Variants in HECW2 observed in about 807,000 individuals in gnomAD.
HECW2 encodes the protein HECT, C2 and WW domain containing E3 ubiquitin protein ligase 2.
In HECW2, 61 loss-of-function variants were observed where a neutral mutation model predicts 175.2. The ratio of observed to expected loss-of-function variants is 0.35; its 90% CI spans 0.28 to 0.43. The LOEUF (loss-of-function observed/expected upper bound fraction) is 0.43, where lower values mean the gene tolerates loss of function less well. Ranked by LOEUF, HECW2 falls within the 20% of genes least tolerant of loss-of-function variation. The pLI, the probability that HECW2 is intolerant of heterozygous loss-of-function variation, is 1.00. For synonymous variants in HECW2, 671 were observed against 731.0 expected (o/e 0.92, Z 1.32); for missense variants, 1,524 against 2,000.5 (o/e 0.76, Z 4.54).
chr2:196,440,919 A>C (rs1013278955), intron 1 of HECW2, among the ~76,000 whole-genome samples: 2 of 152,034 alleles, frequency 1.3e-5, no homozygotes, highest in Non-Finnish European at 2.9e-5. Flanking sequence ...ATTAAAAAAA[A>C]CCCTCCTTCT....
chr2:196,547,528 C>T (rs983692665), intron 1 of HECW2, among the ~76,000 whole-genome samples: 4 of 152,184 alleles, frequency 2.6e-5, no homozygotes, highest in Non-Finnish European at 5.9e-5. Context: ...GATTTGCTTT[C>T]ATGTCTGAGG....
intron 1 of HECW2, among the ~76,000 whole-genome samples, chr2:196,507,158 CACACACTAT>C (rs1203150896): frequency 0.011 from 1,330 of 123,702 alleles, 8 homozygotes; most frequent in South Asian, 0.031. Context: ...GTATATTATA[CACACACTAT>C]GTGTATATTA....
chr2:196,541,084 A>G (rs1312572148), intron 1 of HECW2, among the ~76,000 whole-genome samples: 1 of 152,004 alleles, frequency 6.6e-6, no homozygotes, highest in Admixed American at 6.6e-5. Context: ...CAAATAGCCA[A>G]TGCTCTACAT....
At chr2:196,353,154 T>C (rs1693231712) in intron 2 of HECW2, among the ~76,000 whole-genome samples, 1 of 152,124 alleles carries the variant, frequency 6.6e-6, no homozygotes. Context: ...TCCCCAAAGG[T>C]GTGGTCAGGA....
At chr2:196,218,708 T>A (rs375285062) in intron 26 of HECW2, among the ~76,000 whole-genome samples, 9 of 151,808 alleles carry the variant, frequency 5.9e-5, no homozygotes, top group East Asian at 1.9e-4. Context: ...AAAAAAAAAA[T>A]TCATCTCCTG....
At chr2:196,400,643 A>T (rs1254303162) in intron 2 of HECW2, among the ~76,000 whole-genome samples, 1 of 152,174 alleles carries the variant, frequency 6.6e-6, no homozygotes, top group African/African-American at 2.4e-5. Flanking sequence ...ACTGAATCCC[A>T]GTCACAGCTG....
At chr2:196,362,213 C>G in intron 2 of HECW2, 1 of 985,282 alleles carries the variant, frequency 1.0e-6, no homozygotes, top group Non-Finnish European at 1.2e-6. Flanking sequence ...CTGAGGCAGT[C>G]GTGGCCACAC....
intron 1 of HECW2, among the ~76,000 whole-genome samples, chr2:196,591,594 C>T (rs570424664): frequency 1.3e-5 from 2 of 152,316 alleles, no homozygotes; most frequent in South Asian, 4.1e-4. Flanking sequence ...AGTAACGTTA[C>T]AGTGTCTCCT....
At chr2:196,211,994 G>A (rs369904145) in intron 28 of HECW2, among the ~76,000 whole-genome samples, 2 of 151,982 alleles carry the variant, frequency 1.3e-5, no homozygotes, top group Admixed American at 6.6e-5. Context: ...ATGCCACCAC[G>A]CCCAGGTAAT....
chr2:196,310,014 T>C (rs2105722342), intron 10 of HECW2, among the ~76,000 whole-genome samples: 1 of 152,336 alleles, frequency 6.6e-6, no homozygotes, highest in South Asian at 2.1e-4. Flanking sequence ...TATGGCTTGC[T>C]TGAGGTCTAT....
chr2:196,569,420 A>C (rs10931747), intron 1 of HECW2, among the ~76,000 whole-genome samples: 1 of 152,208 alleles, frequency 6.6e-6, no homozygotes, highest in Non-Finnish European at 1.5e-5. Context: ...ACTTCTCCTT[A>C]ATAAATAAAT....
rs576758183 is a variant in HECW2, at chr2:196,571,318, GAATA to G, written c.-36+22186_-36+22189del. Among the ~76,000 whole-genome samples, 8 of 152,234 alleles carry G rather than the reference GAATA, an allele frequency of 5.3e-5. No individual in the cohort carries two copies. In the East Asian group the frequency reaches 1.5e-3, roughly 29 times the overall value. ...AAGTGAGGTAATGTCTAATGTTTGG[GAATA>G]AACAGCAAACAATACTTAGTTGTGT... On this transcript the variant is annotated intron_variant, in intron 1 of 28. Transcript: ENST00000644978.
In HECW2 at chr2:196,319,584, A is replaced by C; in HGVS notation, c.1306T>G (p.Cys436Gly). 6.2e-7 allele frequency: 1 copy of C among 1,614,226 alleles called. No individual in the cohort carries two copies. The highest frequency in any genetic ancestry group is 8.5e-7 in the Non-Finnish European group (1 of 1,180,034). The change falls in exon 9 of 29, where the codon TGC (cysteine) becomes GGC (glycine). Residue 436 changes from cysteine (C) to glycine (G), a missense_variant. Physicochemically the swap from Cys to Gly is radical, Grantham distance 159. This residue lies in a region of HECW2 where 604 missense variants were observed against 588.3 expected (regional missense o/e 1.03). Transcript: ENST00000644978. Reference sequence around the variant, plus strand: ...GAGGCACCCATGGACCTCTCAGAGCAGGTCGCTGTCCCCGGCCTGGAGTGG... The same window carrying C: ...GAGGCACCCATGGACCTCTCAGAGCCGGTCGCTGTCCCCGGCCTGGAGTGG... ...NGHSRPGTATCSERSMGASPK... is the reference protein window; with the variant it reads ...NGHSRPGTATGSERSMGASPK...
chr2:196,567,388 G>A (rs1443894588), intron 1 of HECW2, among the ~76,000 whole-genome samples: 2 of 152,320 alleles, frequency 1.3e-5, no homozygotes, highest in Non-Finnish European at 2.9e-5. Flanking sequence ...AGAAACTGGT[G>A]CCAGAAGTGG....
At chr2:196,436,458 C>T (rs936128679) in intron 1 of HECW2, among the ~76,000 whole-genome samples, 6 of 150,624 alleles carry the variant, frequency 4.0e-5, no homozygotes, top group Non-Finnish European at 7.4e-5. Context: ...GTGGGTTCAT[C>T]GTTCATGCAA....
intron 1 of HECW2, among the ~76,000 whole-genome samples, chr2:196,482,848 T>C (rs1031321158): frequency 2.6e-5 from 4 of 152,190 alleles, no homozygotes; most frequent in African/African-American, 9.7e-5. Context: ...CTGAGTGGGA[T>C]GCCCTATGTG....
At chr2:196,565,998 A>G (rs1443233695) in intron 1 of HECW2, among the ~76,000 whole-genome samples, 1 of 152,096 alleles carries the variant, frequency 6.6e-6, no homozygotes, top group African/African-American at 2.4e-5. Context: ...CCCTCAGCCA[A>G]TTACCAGGAA....
intron 2 of HECW2, among the ~76,000 whole-genome samples, chr2:196,412,246 G>A (rs1695134033): frequency 6.6e-6 from 1 of 152,178 alleles, no homozygotes; most frequent in Admixed American, 6.5e-5. Context: ...TTTGCGACCA[G>A]TGTAGGAAAA....
chr2:196,392,960 C>G (rs925974626), intron 2 of HECW2, among the ~76,000 whole-genome samples: 1 of 152,132 alleles, frequency 6.6e-6, no homozygotes, highest in Non-Finnish European at 1.5e-5. Context: ...AACAGAGATA[C>G]AGACCAATGG....
Sources: gnomAD v4.1 joint callset for allele counts (sites outside exome capture counted in the v4.1 genomes callset) on GRCh38, gnomAD v4.1.1 for gene constraint, gnomAD v4.1.1 regional missense constraint, MANE v1.5 for transcripts, NCBI Gene and HGNC (gene_info 2026-07-23, HGNC 2026-07-21) for gene names.